Variants in ACE observed in about 807,000 individuals in gnomAD.
The protein encoded by ACE is angiotensin I converting enzyme, also known as angiotensin-converting enzyme.
A neutral mutation model predicts 162.3 loss-of-function variants in ACE; 122 were observed. That is an observed-to-expected ratio of 0.75 (90% CI 0.65 to 0.87). The LOEUF is 0.87. Among genes scored for constraint, ACE ranks in the 40% least tolerant of loss-of-function variants. The pLI, the probability that ACE is intolerant of heterozygous loss-of-function variation, is 0.00. For missense variants in ACE, 1,799 were observed against 1,735.1 expected (o/e 1.04, Z -0.65); for synonymous variants, 796 against 720.6 (o/e 1.10, Z -1.68).
Position 63,491,320 on chromosome 17 carries a change from G to A in ACE, c.2851G>A (p.Asp951Asn), listed in dbSNP as rs776223808. The A allele has an allele frequency of 3.4e-5, 55 of 1,614,042 alleles. No homozygotes were observed. Among genetic ancestry groups the A allele is most frequent in the Non-Finnish European group, 4.3e-5 (51 of 1,180,046 alleles). The change falls in exon 19 of 25, where the codon GAC (aspartate) becomes AAC (asparagine). Residue 951 changes from aspartate to asparagine, a missense_variant. By Grantham distance (23) the Asp-to-Asn change is conservative (BLOSUM62 1). Transcript: ENST00000290866. The surrounding 1 kb of genome is among the most constrained non-coding windows in gnomAD (Gnocchi z 4.4). The stretch of plus-strand genomic sequence containing the variant: ...CAAGTCGATGCTGGAGAAGCCAACC[G>A]ACGGGCGGGAGGTGGTCTGCCACGC... The part of the protein sequence containing the change: ...WNKSMLEKPT[D>N]GREVVCHASA...
intron 15 of ACE, among the ~76,000 whole-genome samples, chr17:63,487,379 T>A (rs1301090348): frequency 2.0e-5 from 3 of 152,096 alleles, no homozygotes; most frequent in Non-Finnish European, 4.4e-5. Context: ...TTATATTTCA[T>A]GGGCTTGGAC....
chr17:63,477,468 G>T, intron 1 of ACE, 125 bp downstream of exon 1: 1 of 765,630 alleles, frequency 1.3e-6, no homozygotes, highest in Non-Finnish European at 1.6e-6. Flanking sequence ...CCGGACCCTC[G>T]CCCCGACAGT....
At chr17:63,487,233 C>G (rs974122457) in intron 15 of ACE, among the ~76,000 whole-genome samples, 160 bp downstream of exon 15, 24 of 152,100 alleles carry the variant, frequency 1.6e-4, no homozygotes, top group African/African-American at 5.8e-4. Flanking sequence ...GCTTCTCTGC[C>G]CCACTGAGAG....
In ACE at chr17:63,483,567, G is replaced by GCGGGGGGGCCCC; in HGVS notation, c.1586+10_1586+11insGGGGGGGCCCCC. ...GTGACACCATACATCAGGTATTAGC[G>GCGGGGGGGCCCC]CCCCCACCCCACCCACCCCCAGTAC... On this transcript the variant is annotated intron_variant, in intron 10 of 24. Coordinates refer to ENST00000290866, the MANE Select transcript of ACE (RefSeq NM_000789.4). 5 of 1,589,416 alleles carry GCGGGGGGGCCCC rather than the reference G, an allele frequency of 3.1e-6. No homozygotes were observed. Among genetic ancestry groups the GCGGGGGGGCCCC allele is most frequent in the African/African-American group, 1.4e-5 (1 of 71,662 alleles).
Position 63,497,467 on chromosome 17 carries a change from C to A in ACE, c.*101C>A. 9.5e-7 allele frequency: 1 copy of A among 1,047,428 alleles called. No individual in the cohort carries two copies. The highest frequency in any genetic ancestry group is 1.4e-6 in the Non-Finnish European group (1 of 700,584). The allele number at this position is 1,047,428 out of a possible 1,614,324, so 64.9% of individuals were successfully genotyped here. A position where few individuals can be genotyped will look rare whatever the true frequency, so the allele number is the denominator to read the frequency against. ...GGACACACCCCACACCCCAGCCCAC[C>A]CTGCTCCTCCTGCCCTGTCCCTGTC... is the stretch of plus-strand genomic sequence containing the variant. On this transcript the variant is annotated 3_prime_UTR_variant, in exon 25 of 25. Coordinates refer to ENST00000290866, the MANE Select transcript of ACE (RefSeq NM_000789.4).
rs777499791 is a variant in ACE, at chr17:63,496,509, C to T, written c.3496C>T (p.Arg1166Cys). Reference protein sequence around the residue: ...DIYQSKEAGQRLATAMKLGFS... With the variant: ...DIYQSKEAGQCLATAMKLGFS... ...CTACCAGTCCAAGGAGGCCGGGCAGCGCCTGGCGTGAGTGTCCTCCAGCCC... is the reference window on the plus strand; with the variant it reads ...CTACCAGTCCAAGGAGGCCGGGCAGTGCCTGGCGTGAGTGTCCTCCAGCCC... Residue 1166 changes from arginine (R) to cysteine (C), a missense_variant, in exon 23 of 25, where the codon CGC (arginine) becomes TGC (cysteine). Physicochemically the swap from Arg to Cys is radical, Grantham distance 180 (BLOSUM62 -3). Coordinates refer to ENST00000290866, the MANE Select transcript of ACE (RefSeq NM_000789.4). The T allele has an allele frequency of 1.9e-6, 3 of 1,614,092 alleles. No homozygotes were observed. The highest frequency in any genetic ancestry group is 1.7e-5 in the Admixed American group (1 of 60,038).
chr17:63,483,423 C>T, intron 9 of ACE, 37 bp from the exon 10 acceptor site: 1 of 1,576,564 alleles, frequency 6.3e-7, no homozygotes, highest in Non-Finnish European at 8.7e-7. Context: ...TGTTTGCAAC[C>T]TCTAGGCCCT....
At chr17:63,483,722 C>CTTG (rs2029861258) in intron 10 of ACE, 127 bp from the exon 11 acceptor site, 5 of 1,534,192 alleles carry the variant, frequency 3.3e-6, no homozygotes, top group Non-Finnish European at 4.5e-6. Context: ...TGTCTTGGGT[C>CTTG]TCCCTTCTCC....
chr17:63,491,473 A>C lies in ACE; in HGVS notation c.2912+92A>C. On this transcript the variant is annotated intron_variant, in intron 19 of 24. Coordinates refer to ENST00000290866, the MANE Select transcript of ACE (RefSeq NM_000789.4). The surrounding 1 kb of genome is among the most constrained non-coding windows in gnomAD (Gnocchi z 4.4). Reference sequence around the variant, plus strand: ...GGGTCCACTACTGTCCCCCAGCTGGAGCCAGCAGGGCAGGATGGGGACAGG... The same window carrying C: ...GGGTCCACTACTGTCCCCCAGCTGGCGCCAGCAGGGCAGGATGGGGACAGG... The C allele has an allele frequency of 6.5e-7, 1 of 1,536,060 alleles. No homozygotes were observed. Among genetic ancestry groups the C allele is most frequent in the Non-Finnish European group, 9.0e-7 (1 of 1,117,226 alleles).
chr17:63,481,831 G>A (rs1599140690), intron 7 of ACE, 93 bp downstream of exon 7: 1 of 1,541,454 alleles, frequency 6.5e-7, no homozygotes, highest in Admixed American at 1.7e-5. Context: ...TGGTTCCCAG[G>A]CCTGCCTCTA....
At chr17:63,485,119 G>C (rs760894001) in intron 12 of ACE, 117 bp from the exon 13 acceptor site, 109 of 1,544,374 alleles carry the variant, frequency 7.1e-5, no homozygotes, top group East Asian at 5.9e-4. Flanking sequence ...AGGCGGGGCC[G>C]GGTAGGGACA....
intron 14 of ACE, 116 bp from the exon 15 acceptor site, chr17:63,486,870 C>T (rs190230202): frequency 2.0e-4 from 283 of 1,442,604 alleles, no homozygotes; most frequent in Admixed American, 5.5e-4. Context: ...GAGAGGGCAG[C>T]GCTCCCCAGC....
rs1445117124 is a variant in ACE, at chr17:63,485,373, G to T, written c.2058+1G>T. 1 of 1,613,990 alleles carries T rather than the reference G, an allele frequency of 6.2e-7. No homozygotes were observed. Among genetic ancestry groups the T allele is most frequent in the East Asian group, 2.2e-5 (1 of 44,872 alleles). ...CACCACAGAGACCAGCAAGATTCTG[G>T]TGGGAGCCACCTCCCCACCCCCAAA... is the stretch of plus-strand genomic sequence containing the variant. On this transcript the variant is annotated splice_donor_variant, in intron 13 of 24. Coordinates refer to ENST00000290866, the MANE Select transcript of ACE (RefSeq NM_000789.4). LOFTEE classifies it high-confidence loss of function.
At position 63,490,948 on chromosome 17, in the gene ACE, C is replaced by T. The variant is rs1443095653; in HGVS notation, c.2642-6C>T. The stretch of plus-strand genomic sequence containing the variant: ...TCTCTCTGCCGTCCCCCACACTCGC[C>T]TCCAGGGAACATGTGGGCGCAGACC... On this transcript the variant is annotated splice_polypyrimidine_tract_variant and splice_region_variant and intron_variant, in intron 17 of 24. Transcript: ENST00000290866. The T allele has an allele frequency of 6.2e-7, 1 of 1,614,176 alleles. No individual in the cohort carries two copies. Among genetic ancestry groups the T allele is most frequent in the East Asian group, 2.2e-5 (1 of 44,878 alleles).
At chr17:63,481,977 G>C (rs964138279) in intron 7 of ACE, among the ~76,000 whole-genome samples, 2 of 152,178 alleles carry the variant, frequency 1.3e-5, no homozygotes, top group Non-Finnish European at 1.5e-5. Context: ...AGGCCCAAGT[G>C]GTGGTGAGCC....
chr17:63,491,016 C>T lies in ACE; in HGVS notation c.2704C>T (p.Pro902Ser). The T allele has an allele frequency of 6.2e-7, 1 of 1,614,228 alleles. No homozygotes were observed. The highest frequency in any genetic ancestry group is 1.3e-5 in the African/African-American group (1 of 75,060). Residue 902 changes from proline to serine, a missense_variant, in exon 18 of 25, where the codon CCC becomes TCC. By Grantham distance (74) the Pro-to-Ser change is moderately conservative. Transcript: ENST00000290866. This position sits in a 1 kb window ranked among gnomAD's most constrained non-coding sequence, Gnocchi z 4.4. ...CTTGGTGGTGCCCTTCCCTTCAGCC[C>T]CCTCGATGGACACCACAGAGGCTAT... ...YDLVVPFPSA[P>S]SMDTTEAMLK... is the part of the protein sequence containing the mutation.
chr17:63,488,621 A>G, intron 15 of ACE, 27 bp from the exon 16 acceptor site: 1 of 1,611,948 alleles, frequency 6.2e-7, no homozygotes, highest in South Asian at 1.1e-5. Context: ...TAAGGGCTGG[A>G]GCTCAAGGCA....
In ACE at chr17:63,496,890, G is replaced by T; in HGVS notation, c.3596G>T (p.Ser1199Ile). 6.2e-7 allele frequency: 1 copy of T among 1,613,714 alleles called. No individual in the cohort carries two copies. Among genetic ancestry groups the T allele is most frequent in the Non-Finnish European group, 8.5e-7 (1 of 1,180,030 alleles). Residue 1199 changes from serine to isoleucine, a missense_variant, in exon 24 of 25, where the codon AGC (serine) becomes ATC (isoleucine). Coordinates refer to ENST00000290866, the MANE Select transcript of ACE (RefSeq NM_000789.4). ...QPNMSASAML[S>I]YFKPLLDWLR... ...AACATGAGCGCCTCGGCCATGTTGA[G>T]CTACTTCAAGCCGCTGCTGGACTGG...
chr17:63,482,083 G>A (rs1329285252), intron 7 of ACE, among the ~76,000 whole-genome samples: 1 of 152,100 alleles, frequency 6.6e-6, no homozygotes, highest in Non-Finnish European at 1.5e-5. Flanking sequence ...GATCACCTGA[G>A]GCCAGGAGTT....
Sources: gnomAD v4.1 joint callset for allele counts (sites outside exome capture counted in the v4.1 genomes callset) on GRCh38, gnomAD v4.1.1 for gene constraint, Gnocchi (gnomAD v3.1) non-coding constraint, MANE v1.5 for transcripts, NCBI Gene and HGNC (gene_info 2026-07-23, HGNC 2026-07-21) for gene names.